Variants in ARHGAP15 observed in about 807,000 individuals in gnomAD.
ARHGAP15 encodes rho GTPase-activating protein 15.
Under a neutral mutation model 63.7 loss-of-function variants are expected in ARHGAP15, and 51 were observed. That is an observed-to-expected ratio of 0.80 (90% confidence interval 0.64 to 1.01). ARHGAP15 has a LOEUF of 1.01. Among genes scored for constraint, ARHGAP15 ranks in the 50% least tolerant of loss-of-function variants. The pLI is 0.00. For synonymous variants in ARHGAP15, 191 were observed against 193.8 expected (o/e 0.99, Z 0.12); for missense variants, 560 against 564.6 (o/e 0.99, Z 0.08).
At chr2:143,659,230 G>T (rs977449175) in intron 12 of ARHGAP15, among the ~76,000 whole-genome samples, 1 of 151,954 alleles carries the variant, frequency 6.6e-6, no homozygotes, top group African/African-American at 2.4e-5. Flanking sequence ...CTTAAAATTT[G>T]TAAGTAGGGA....
At chr2:143,269,683 GT>G (rs35826732) in intron 6 of ARHGAP15, among the ~76,000 whole-genome samples, 33,543 of 151,244 alleles carry the variant, frequency 0.22, 3,968 homozygotes, top group South Asian at 0.35. Context: ...AAATGTGTTA[GT>G]TTTTTTTTAA....
intron 8 of ARHGAP15, among the ~76,000 whole-genome samples, chr2:143,456,779 TTTTA>T (rs567229527): frequency 7.2e-4 from 109 of 151,992 alleles, no homozygotes; most frequent in Middle Eastern, 3.5e-3. Flanking sequence ...TGCCTTTAAG[TTTTA>T]TTTGTTATTA....
At chr2:143,355,341 A>G (rs1335590586) in intron 6 of ARHGAP15, among the ~76,000 whole-genome samples, 5 of 152,338 alleles carry the variant, frequency 3.3e-5, no homozygotes, top group Non-Finnish European at 1.5e-5. Context: ...ATAACTAGAC[A>G]AAGAATAGAA....
intron 8 of ARHGAP15, among the ~76,000 whole-genome samples, chr2:143,467,233 C>A (rs749787374): frequency 7.3e-6 from 1 of 137,030 alleles, no homozygotes; most frequent in Non-Finnish European, 1.5e-5. Context: ...TATTCAATTA[C>A]TCCATGGCCT....
At chr2:143,346,204 ACACACACACTCTCT>A (rs1685275820) in intron 6 of ARHGAP15, among the ~76,000 whole-genome samples, 1 of 144,620 alleles carries the variant, frequency 6.9e-6, no homozygotes. Flanking sequence ...TCTCTCTCTC[ACACACACACTCTCT>A]CTCACACACA....
At chr2:143,597,464 A>G (rs1697567275) in intron 11 of ARHGAP15, among the ~76,000 whole-genome samples, 1 of 152,068 alleles carries the variant, frequency 6.6e-6, no homozygotes, top group South Asian at 2.1e-4. Context: ...AATCATGAGA[A>G]CCATTTAGTC....
At chr2:143,685,147 A>G (rs1683272765) in intron 12 of ARHGAP15, among the ~76,000 whole-genome samples, 1 of 152,094 alleles carries the variant, frequency 6.6e-6, no homozygotes, top group Non-Finnish European at 1.5e-5. Flanking sequence ...AAACCTCCAC[A>G]CCGAAGTCGC....
intron 6 of ARHGAP15, among the ~76,000 whole-genome samples, chr2:143,402,785 A>T (rs1688038785): frequency 6.6e-6 from 1 of 151,870 alleles, no homozygotes; most frequent in Admixed American, 6.6e-5. Context: ...CTGCACAGAG[A>T]TTCCTGGCAT....
chr2:143,582,647 G>A (rs955089139), intron 11 of ARHGAP15, among the ~76,000 whole-genome samples: 3 of 152,188 alleles, frequency 2.0e-5, no homozygotes, highest in African/African-American at 7.2e-5. Flanking sequence ...GAAAGTCTGT[G>A]TGGGTTGGGA....
At position 143,614,554 on chromosome 2, in the gene ARHGAP15, GTATTA is replaced by G. The variant is rs201434943; in HGVS notation, c.1004-9572_1004-9568del. Among the ~76,000 whole-genome samples the G allele has an allele frequency of 7.0e-3, 1,072 of 152,186 alleles. 12 individuals carry two copies. Among genetic ancestry groups the G allele is most frequent in the African/African-American group, 0.024 (1,006 of 41,518 alleles). ...CATATATCTATTGTCATCATCGTTG[GTATTA>G]TATTATGAAATAGCCTCTGTTATCA... On this transcript the variant is annotated intron_variant, in intron 11 of 13. Coordinates refer to ENST00000295095, the MANE Select transcript of ARHGAP15 (RefSeq NM_018460.4).
At chr2:143,339,087 C>A (rs1684938091) in intron 6 of ARHGAP15, among the ~76,000 whole-genome samples, 1 of 151,934 alleles carries the variant, frequency 6.6e-6, no homozygotes, top group Non-Finnish European at 1.5e-5. Context: ...ATATGTCAGA[C>A]TTGATTCTAA....
At chr2:143,525,244 A>G (rs1694216973) in intron 10 of ARHGAP15, among the ~76,000 whole-genome samples, 1 of 152,064 alleles carries the variant, frequency 6.6e-6, no homozygotes, top group African/African-American at 2.4e-5. Flanking sequence ...AGATTCTTGA[A>G]AACTTTTATG....
At chr2:143,191,872 C>G (rs1015209985) in intron 2 of ARHGAP15, among the ~76,000 whole-genome samples, 11 of 152,152 alleles carry the variant, frequency 7.2e-5, no homozygotes, top group African/African-American at 2.7e-4. Context: ...AAATGAAGGA[C>G]CCATCTTTTA....
intron 10 of ARHGAP15, among the ~76,000 whole-genome samples, chr2:143,536,313 G>T (rs952035549): frequency 1.6e-4 from 24 of 151,822 alleles, no homozygotes; most frequent in Non-Finnish European, 4.4e-5. Context: ...GTATTTTTCT[G>T]TTCCTGGTTT....
intron 6 of ARHGAP15, among the ~76,000 whole-genome samples, chr2:143,432,930 A>G (rs1689450194): frequency 6.6e-6 from 1 of 152,004 alleles, no homozygotes; most frequent in Admixed American, 6.6e-5. Flanking sequence ...TTCTTCCTTC[A>G]TCCCCTTACC....
chr2:143,331,610 G>A (rs1226853383), intron 6 of ARHGAP15, among the ~76,000 whole-genome samples: 2 of 152,118 alleles, frequency 1.3e-5, no homozygotes, highest in Non-Finnish European at 2.9e-5. Flanking sequence ...TTAGCAGCAA[G>A]GATTATATAG....
intron 11 of ARHGAP15, among the ~76,000 whole-genome samples, chr2:143,592,401 C>T (rs1023075941): frequency 1.3e-5 from 2 of 152,176 alleles, no homozygotes; most frequent in Non-Finnish European, 2.9e-5. Flanking sequence ...TTAGTTGTGT[C>T]GTTCTGTAAG....
At chr2:143,472,356 A>G (rs1181981993) in intron 8 of ARHGAP15, among the ~76,000 whole-genome samples, 3 of 152,184 alleles carry the variant, frequency 2.0e-5, no homozygotes, top group Non-Finnish European at 4.4e-5. Context: ...TACTACCAGT[A>G]CATTTATTGC....
intron 12 of ARHGAP15, among the ~76,000 whole-genome samples, chr2:143,625,342 C>T (rs1405266206): frequency 6.6e-6 from 1 of 152,122 alleles, no homozygotes; most frequent in Non-Finnish European, 1.5e-5. Flanking sequence ...CTAATTCTGT[C>T]ATTCACAAAG....
Sources: gnomAD v4.1 joint callset for allele counts (sites outside exome capture counted in the v4.1 genomes callset) on GRCh38, gnomAD v4.1.1 for gene constraint, MANE v1.5 for transcripts, NCBI Gene and HGNC (gene_info 2026-07-23, HGNC 2026-07-21) for gene names.